Variants in CARD18 observed in about 807,000 individuals in gnomAD.
The protein encoded by CARD18 is caspase recruitment domain-containing protein 18.
CARD18 carries 7 observed loss-of-function variants against 7.9 expected under a neutral mutation model. That is an observed-to-expected ratio of 0.88 (90% confidence interval 0.50 to 1.66). The LOEUF is 1.66. Among genes scored for constraint, CARD18 ranks in the 40% most tolerant of loss-of-function variants. CARD18 has a pLI of 0.00. For missense variants in CARD18, 134 were observed against 105.5 expected, an observed-to-expected ratio of 1.27 and a Z score of -1.18; for synonymous variants, 34 against 34.8, an observed-to-expected ratio of 0.98 and a Z score of 0.08.
chr11:105,139,203 T>C, intron 1 of CARD18, 125 bp from the exon 2 acceptor site: 1 of 1,061,738 alleles, frequency 9.4e-7, no homozygotes, highest in Non-Finnish European at 1.4e-6. Flanking sequence ...GGAACGGTCT[T>C]ATACCTTTGC....
At chr11:105,138,143 C>A (rs147120851) in intron 2 of CARD18, 45 bp from the exon 3 acceptor site, 1,829 of 152,054 alleles carry the variant, frequency 0.012, 17 homozygotes, top group Middle Eastern at 0.027. Flanking sequence ...AGCTCAGATA[C>A]AAGAGCCTGC....
In CARD18 at chr11:105,138,027, T is replaced by G. The variant is rs567344010; in HGVS notation, c.*73A>C. 9.8e-5 allele frequency: 15 copies of G among 152,322 alleles called. No homozygotes were observed. The highest frequency in any genetic ancestry group is 3.6e-4 in the African/African-American group (15 of 41,590). 9.4% of individuals were successfully genotyped at this position (152,322 alleles called of 1,614,324 possible). A position where few individuals can be genotyped will look rare whatever the true frequency, so the allele number is the denominator to read the frequency against. On this transcript the variant is annotated 3_prime_UTR_variant, in exon 3 of 3. Coordinates refer to ENST00000530950, the MANE Select transcript of CARD18 (RefSeq NM_021571.4). ...TGTTGTTTTGTTTTGTTTTTTTCTT[T>G]CACGAGAATATCTTCTCCCTTGGAA...
At chr11:105,139,428 G>C in intron 1 of CARD18, 1 of 543,864 alleles carries the variant, frequency 1.8e-6, no homozygotes, top group Non-Finnish European at 3.2e-6. Context: ...AACAGCTACT[G>C]ATACCCATCC....
chr11:105,139,661 C>A (rs1434033121), intron 1 of CARD18, 59 bp downstream of exon 1: 20 of 1,565,596 alleles, frequency 1.3e-5, no homozygotes, highest in Non-Finnish European at 1.7e-5. Context: ...ATGAGAAAGG[C>A]AGTCCTTTCC....
At position 105,139,095 on chromosome 11, in the gene CARD18, G is replaced by T. The variant is rs770907235; in HGVS notation, c.8-17C>A. ...AGAGTTGGTCTGTTGGAAGCACAAA[G>T]ATTCCTCAAATAATGAACATGACAC... is the stretch of plus-strand genomic sequence containing the variant. On this transcript the variant is annotated splice_polypyrimidine_tract_variant and intron_variant, in intron 1 of 2. Coordinates refer to ENST00000530950, the MANE Select transcript of CARD18 (RefSeq NM_021571.4). 2 of 1,604,528 alleles carry T rather than the reference G, an allele frequency of 1.2e-6. No homozygotes were observed. Among genetic ancestry groups the T allele is most frequent in the East Asian group, 4.5e-5 (2 of 44,768 alleles).
intron 2 of CARD18, among the ~76,000 whole-genome samples, chr11:105,138,563 G>C (rs995395302): frequency 8.5e-5 from 13 of 152,180 alleles, no homozygotes; most frequent in Admixed American, 3.9e-4. Flanking sequence ...ATGAACTACA[G>C]TAATGATCTA....
chr11:105,138,307 ATTAT>A (rs1273260211), intron 2 of CARD18, among the ~76,000 whole-genome samples: 3 of 152,192 alleles, frequency 2.0e-5, no homozygotes, highest in African/African-American at 7.2e-5. Flanking sequence ...TGCAAATATA[ATTAT>A]TTAGTGCATA....
chr11:105,139,000 A>G lies in CARD18; in HGVS notation c.86T>C (p.Leu29Pro). Reference sequence around the variant, plus strand: ...CTGGCTAATAACTTCATCCTCTAATAGGCAATCCAGCAAGGCATTTATTGT... The same window carrying G: ...CTGGCTAATAACTTCATCCTCTAATGGGCAATCCAGCAAGGCATTTATTGT... ...AGTINALLDCLLEDEVISQED... is the reference protein window; with the variant it reads ...AGTINALLDCPLEDEVISQED... The change falls in exon 2 of 3, where the codon CTA (leucine) becomes CCA (proline). Residue 29 changes from leucine to proline, a missense_variant. By Grantham distance (98) the Leu-to-Pro change is moderately conservative. Coordinates refer to ENST00000530950, the MANE Select transcript of CARD18 (RefSeq NM_021571.4). 1 of 1,613,656 alleles carries G rather than the reference A, an allele frequency of 6.2e-7. No homozygotes were observed. Among genetic ancestry groups the G allele is most frequent in the Non-Finnish European group, 8.5e-7 (1 of 1,179,684 alleles).
At chr11:105,138,746 G>A (rs1204803206) in intron 2 of CARD18, 66 bp downstream of exon 2, 2 of 1,551,602 alleles carry the variant, frequency 1.3e-6, no homozygotes, top group African/African-American at 2.7e-5. Context: ...GACAAGTGAA[G>A]AAAATCATAA....
Position 105,139,029 on chromosome 11 carries a change from T to C in CARD18, c.57A>G (p.Ala19=), listed in dbSNP as rs1418069350. ...KRRIFIHSVG[A]GTINALLDCL... ...AATCCAGCAAGGCATTTATTGTGCC[T>C]GCACCCACTGAATGGATAAAAATTC... Residue 19 remains alanine (A), a synonymous_variant, in exon 2 of 3, where the codon GCA becomes GCG. Transcript: ENST00000530950. 1 of 1,613,496 alleles carries C rather than the reference T, an allele frequency of 6.2e-7. No individual in the cohort carries two copies. The highest frequency in any genetic ancestry group is 8.5e-7 in the Non-Finnish European group (1 of 1,179,664).
chr11:105,139,147 G>A, intron 1 of CARD18, 69 bp from the exon 2 acceptor site: 1 of 1,506,768 alleles, frequency 6.6e-7, no homozygotes. Flanking sequence ...TACCAACAGG[G>A]TAACAATCAT....
At position 105,137,815 on chromosome 11, in the gene CARD18, G is replaced by A. The variant is rs1395260637; in HGVS notation, c.*285C>T. The A allele has an allele frequency of 2.6e-5, 4 of 152,026 alleles. No individual in the cohort carries two copies. Among genetic ancestry groups the A allele is most frequent in the Admixed American group, 6.6e-5 (1 of 15,236 alleles). The allele number at this position is 152,026 out of a possible 1,614,324, so 9.4% of individuals were successfully genotyped here. A position where few individuals can be genotyped will look rare whatever the true frequency, so the allele number is the denominator to read the frequency against. On this transcript the variant is annotated 3_prime_UTR_variant, in exon 3 of 3. Transcript: ENST00000530950. ...GTACATGTCTCTACAGGATTGCAAA[G>A]GAACTAAACAGAAAGGAAGGGAAAG... is the stretch of plus-strand genomic sequence containing the variant.
rs577415681 is a variant in CARD18, at chr11:105,138,044, C to T, written c.*56G>A. The T allele has an allele frequency of 2.0e-5, 3 of 152,008 alleles. No homozygotes were observed. Among genetic ancestry groups the T allele is most frequent in the African/African-American group, 7.2e-5 (3 of 41,478 alleles). 9.4% of individuals were successfully genotyped at this position (152,008 alleles called of 1,614,324 possible). On this transcript the variant is annotated 3_prime_UTR_variant, in exon 3 of 3. Transcript: ENST00000530950. ...TTTTTCTTTCACGAGAATATCTTCT[C>T]CCTTGGAAGAAGCTCTGGGAAGTCT...
At chr11:105,139,272 C>T in intron 1 of CARD18, 194 bp from the exon 2 acceptor site, 1 of 603,970 alleles carries the variant, frequency 1.7e-6, no homozygotes, top group Non-Finnish European at 2.8e-6. Flanking sequence ...CACTGAGTGA[C>T]CTGGGAAACT....
At chr11:105,139,455 C>T in intron 1 of CARD18, 1 of 556,292 alleles carries the variant, frequency 1.8e-6, no homozygotes. Flanking sequence ...CATTCTCATC[C>T]TGAACTACAT....
Position 105,138,037 on chromosome 11 carries a change from A to C in CARD18, c.*63T>G, listed in dbSNP as rs1031301328. 1 of 152,258 alleles carries C rather than the reference A, an allele frequency of 6.6e-6. No individual in the cohort carries two copies. The highest frequency in any genetic ancestry group is 1.5e-5 in the Non-Finnish European group (1 of 68,026). The allele number at this position is 152,258 out of a possible 1,614,324, so 9.4% of individuals were successfully genotyped here. Reference sequence around the variant, plus strand: ...TTTTGTTTTTTTCTTTCACGAGAATATCTTCTCCCTTGGAAGAAGCTCTGG... The same window carrying C: ...TTTTGTTTTTTTCTTTCACGAGAATCTCTTCTCCCTTGGAAGAAGCTCTGG... On this transcript the variant is annotated 3_prime_UTR_variant, in exon 3 of 3. Transcript: ENST00000530950.
In CARD18 at chr11:105,138,074, A is replaced by G. The variant is rs1028574822; in HGVS notation, c.*26T>C. 1 of 152,104 alleles carries G rather than the reference A, an allele frequency of 6.6e-6. No individual in the cohort carries two copies. Among genetic ancestry groups the G allele is most frequent in the African/African-American group, 2.4e-5 (1 of 41,430 alleles). 9.4% of individuals were successfully genotyped at this position (152,104 alleles called of 1,614,324 possible). ...GGAAGAAGCTCTGGGAAGTCTCTGA[A>G]GTGCTCCAGAGTTCCATCTTCTCTC... On this transcript the variant is annotated 3_prime_UTR_variant, in exon 3 of 3. Coordinates refer to ENST00000530950, the MANE Select transcript of CARD18 (RefSeq NM_021571.4).
chr11:105,139,144 A>G lies in CARD18; in HGVS notation c.8-66T>C, dbSNP rs894112682. On this transcript the variant is annotated intron_variant, in intron 1 of 2. Transcript: ENST00000530950. Reference sequence around the variant, plus strand: ...ACAATTTCCCTCTCAATTTACCAACAGGGTAACAATCATTTAAACATTTCT... The same window carrying G: ...ACAATTTCCCTCTCAATTTACCAACGGGGTAACAATCATTTAAACATTTCT... 3 of 1,518,938 alleles carry G rather than the reference A, an allele frequency of 2.0e-6. No homozygotes were observed. In the African/African-American group the frequency reaches 4.1e-5, roughly 21 times the overall value. 94.1% of individuals were successfully genotyped at this position (1,518,938 alleles called of 1,614,324 possible). A position where few individuals can be genotyped will look rare whatever the true frequency, so the allele number is the denominator to read the frequency against.
At chr11:105,138,444 C>A (rs1865432894) in intron 2 of CARD18, among the ~76,000 whole-genome samples, 1 of 151,990 alleles carries the variant, frequency 6.6e-6, no homozygotes, top group African/African-American at 2.4e-5. Context: ...GAGCTTATAC[C>A]TTCTCTTCTA....
Sources: gnomAD v4.1 joint callset for allele counts (sites outside exome capture counted in the v4.1 genomes callset) on GRCh38, gnomAD v4.1.1 for gene constraint, MANE v1.5 for transcripts, NCBI Gene and HGNC (gene_info 2026-07-23, HGNC 2026-07-21) for gene names.